Variants in SYT1 observed in about 807,000 individuals in gnomAD.
SYT1 encodes synaptotagmin-1.
In SYT1, 8 loss-of-function variants were observed where a neutral mutation model predicts 44.8. That is an observed-to-expected ratio of 0.18 (90% CI 0.10 to 0.32). SYT1 has a LOEUF of 0.32. Ranked by LOEUF, SYT1 falls within the 10% of genes least tolerant of loss-of-function variation. The probability of loss-of-function intolerance (pLI) is 1.00; values close to 1 mark genes in which losing one functional copy is unlikely to be tolerated. For missense variants in SYT1, 286 were observed against 509.3 expected (o/e 0.56, Z 4.22); for synonymous variants, 154 against 188.8 (o/e 0.82, Z 1.51).
chr12:79,054,795 A>G (rs1874809457), intron 3 of SYT1, among the ~76,000 whole-genome samples: 1 of 151,988 alleles, frequency 6.6e-6, no homozygotes, highest in Non-Finnish European at 1.5e-5. Flanking sequence ...ACTATAAGTC[A>G]TAGATTTTCT....
chr12:79,068,455 C>T (rs989516617), intron 3 of SYT1, among the ~76,000 whole-genome samples: 1 of 152,086 alleles, frequency 6.6e-6, no homozygotes, highest in Non-Finnish European at 1.5e-5. Context: ...AAAAAATACT[C>T]TGGGGATAAA....
intron 8 of SYT1, among the ~76,000 whole-genome samples, chr12:79,338,376 T>C (rs1272239785): frequency 6.6e-6 from 1 of 151,568 alleles, no homozygotes; most frequent in Non-Finnish European, 1.5e-5. Flanking sequence ...CTCCTGGGCT[T>C]AGGCAATCCC....
chr12:79,366,945 TG>T (rs1338333872), intron 9 of SYT1, among the ~76,000 whole-genome samples: 15 of 139,466 alleles, frequency 1.1e-4, no homozygotes, highest in African/African-American at 2.9e-4. Flanking sequence ...TGTGTGTGTG[TG>T]TTCAAAGAAT....
At chr12:78,878,774 C>T (rs912141540) in intron 1 of SYT1, among the ~76,000 whole-genome samples, 1 of 151,672 alleles carries the variant, frequency 6.6e-6, no homozygotes, top group African/African-American at 2.4e-5. Context: ...AGCTTTATTC[C>T]TTGGACATAC....
intron 4 of SYT1, among the ~76,000 whole-genome samples, chr12:79,229,115 G>A (rs919007346): frequency 2.0e-5 from 3 of 152,148 alleles, no homozygotes; most frequent in Admixed American, 1.3e-4. Context: ...GACACCAAAG[G>A]CATTAATCAA....
rs141597994 is a variant in SYT1, at chr12:79,223,245, A to G, written c.166+5560A>G. Among the ~76,000 whole-genome samples the G allele has an allele frequency of 4.4e-3, 673 of 152,326 alleles. 1 individual carries two copies. Among genetic ancestry groups the G allele is most frequent in the African/African-American group, 0.015 (639 of 41,578 alleles). On this transcript the variant is annotated intron_variant, in intron 4 of 10. Transcript: ENST00000261205. ...ACTTACTTCAGTCTTCACAGTCTTCATAGACAGGCTTTGTCTGTGAAAGCC... is the reference window on the plus strand; with the variant it reads ...ACTTACTTCAGTCTTCACAGTCTTCGTAGACAGGCTTTGTCTGTGAAAGCC...
intron 3 of SYT1, among the ~76,000 whole-genome samples, chr12:79,157,269 G>A (rs1471435183): frequency 6.6e-6 from 1 of 152,118 alleles, no homozygotes; most frequent in Admixed American, 6.5e-5. Context: ...CATCCTATAG[G>A]CATGACTATC....
At chr12:79,090,240 T>C (rs1324728854) in intron 3 of SYT1, among the ~76,000 whole-genome samples, 2 of 152,060 alleles carry the variant, frequency 1.3e-5, no homozygotes, top group Non-Finnish European at 2.9e-5. Flanking sequence ...ATGTGGAGAA[T>C]AGATCTCATT....
intron 1 of SYT1, among the ~76,000 whole-genome samples, chr12:78,930,894 G>A (rs1877596739): frequency 6.6e-6 from 1 of 151,768 alleles, no homozygotes; most frequent in South Asian, 2.1e-4. Context: ...TATTCCATAA[G>A]GCTGTCAGGA....
chr12:79,321,477 G>A (rs116518775), intron 8 of SYT1, among the ~76,000 whole-genome samples: 5 of 152,138 alleles, frequency 3.3e-5, no homozygotes, highest in Non-Finnish European at 5.9e-5. Context: ...ACTTTAAAAG[G>A]TGCCTATTTA....
At chr12:79,183,333 T>C (rs1872643024) in intron 3 of SYT1, among the ~76,000 whole-genome samples, 1 of 152,032 alleles carries the variant, frequency 6.6e-6, no homozygotes, top group Non-Finnish European at 1.5e-5. Flanking sequence ...ATTTGTCTTC[T>C]GTAGAGAGGA....
intron 1 of SYT1, among the ~76,000 whole-genome samples, chr12:78,876,656 C>T (rs1196956488): frequency 4.0e-5 from 5 of 125,014 alleles, no homozygotes; most frequent in Admixed American, 1.9e-4. Context: ...TATATACACA[C>T]GTGTGCACAT....
intron 3 of SYT1, among the ~76,000 whole-genome samples, chr12:79,198,046 C>T (rs1873565551): frequency 6.6e-6 from 1 of 152,108 alleles, no homozygotes; most frequent in Admixed American, 6.6e-5. Context: ...AAAGAATTCA[C>T]ATTACCTTAT....
intron 1 of SYT1, among the ~76,000 whole-genome samples, chr12:78,922,952 A>T (rs1166144085): frequency 7.0e-6 from 1 of 143,402 alleles, no homozygotes; most frequent in Non-Finnish European, 1.6e-5. Flanking sequence ...ACGAGAACCC[A>T]GGTAATCTCC....
chr12:78,898,035 C>T (rs543970721), intron 1 of SYT1, among the ~76,000 whole-genome samples: 1 of 152,100 alleles, frequency 6.6e-6, no homozygotes, highest in South Asian at 2.1e-4. Flanking sequence ...CTAAATAAAA[C>T]TTAAGGCATT....
At chr12:79,172,052 C>A (rs887780786) in intron 3 of SYT1, among the ~76,000 whole-genome samples, 6 of 151,898 alleles carry the variant, frequency 4.0e-5, no homozygotes, top group African/African-American at 1.4e-4. Context: ...TATTTAATGA[C>A]AGAAAAATAC....
In SYT1 at chr12:79,285,938, T is replaced by C. The variant is rs370316386; in HGVS notation, c.318T>C (p.Asp106=). ...GGAAGAATGCCATTAACATGAAAGA[T>C]GTAAAAGACTTAGGGAAGACGATGA... ...KGGKNAINMK[D]VKDLGKTMKD... is the part of the protein sequence containing the mutation. Residue 106 remains aspartate, a synonymous_variant, in exon 5 of 11, where the codon GAT becomes GAC. Coordinates refer to ENST00000261205, the MANE Select transcript of SYT1 (RefSeq NM_005639.3). 3.7e-6 allele frequency: 6 copies of C among 1,612,510 alleles called. No homozygotes were observed. In the East Asian group the frequency reaches 8.9e-5, roughly 24 times the overall value.
chr12:79,016,445 A>G (rs1871812934), intron 2 of SYT1, among the ~76,000 whole-genome samples: 1 of 152,158 alleles, frequency 6.6e-6, no homozygotes, highest in South Asian at 2.1e-4. Flanking sequence ...TTATACTTCA[A>G]ATGAAAAACA....
chr12:79,346,782 G>A (rs149008021), intron 8 of SYT1, among the ~76,000 whole-genome samples: 5 of 152,180 alleles, frequency 3.3e-5, no homozygotes, highest in African/African-American at 1.2e-4. Context: ...CAGATGACTG[G>A]TGAGGACCTC....
Sources: gnomAD v4.1 joint callset for allele counts (sites outside exome capture counted in the v4.1 genomes callset) on GRCh38, gnomAD v4.1.1 for gene constraint, MANE v1.5 for transcripts, NCBI Gene and HGNC (gene_info 2026-07-23, HGNC 2026-07-21) for gene names.